ST7L: variants seen among roughly 807,000 people sequenced by gnomAD.
ST7L encodes the protein suppression of tumorigenicity 7 like.
ST7L carries 57 observed loss-of-function variants against 72.5 expected under a neutral mutation model. The ratio of observed to expected loss-of-function variants is 0.79; its 90% confidence interval spans 0.64 to 0.98. The LOEUF (loss-of-function observed/expected upper bound fraction) is 0.98. ST7L is among the 50% of genes least tolerant of loss of function. The pLI is 0.00. For missense variants in ST7L, 576 were observed against 672.2 expected (o/e 0.86, Z 1.58); for synonymous variants, 221 against 240.9 (o/e 0.92, Z 0.77).
chr1:112,605,721 C>A (rs1239078222), intron 3 of ST7L, among the ~76,000 whole-genome samples: 1 of 151,882 alleles, frequency 6.6e-6, no homozygotes, highest in Non-Finnish European at 1.5e-5. Context: ...CTTGAGAATT[C>A]TTTTTGGCTT....
At chr1:112,575,293 A>C (rs1662929109) in intron 11 of ST7L, among the ~76,000 whole-genome samples, 1 of 152,104 alleles carries the variant, frequency 6.6e-6, no homozygotes, top group Non-Finnish European at 1.5e-5. Context: ...ATGTTTTAAG[A>C]CTCCCAGTGG....
intron 14 of ST7L, among the ~76,000 whole-genome samples, chr1:112,531,980 GTTTTTGT>G (rs146946267): frequency 0.2 from 29,862 of 151,864 alleles, 3,273 homozygotes; most frequent in Non-Finnish European, 0.26. Context: ...TTCTACTGCA[GTTTTTGT>G]TTTTTGTTTT....
At chr1:112,607,179 T>C (rs1024680657) in intron 3 of ST7L, 4 of 151,892 alleles carry the variant, frequency 2.6e-5, no homozygotes, top group East Asian at 1.9e-4. Flanking sequence ...TTTTACCTAG[T>C]AAGGAGAGAG....
intron 11 of ST7L, among the ~76,000 whole-genome samples, chr1:112,563,247 G>T (rs2101677361): frequency 1.3e-5 from 2 of 152,212 alleles, no homozygotes; most frequent in South Asian, 2.1e-4. Context: ...AATGGCAGAG[G>T]TAAGGGTTAA....
rs528427572 is a variant in ST7L, at chr1:112,540,284, T to A, written c.1629+1667A>T. ...CCCATTGCTTGCCTGTGATCTCACA[T>A]ACACAGTTGCACATTTTCTTTCCAG... is the stretch of plus-strand genomic sequence containing the variant. On this transcript the variant is annotated intron_variant, in intron 14 of 14. Transcript: ENST00000358039. 9.1e-6 allele frequency: 9 copies of A among 985,452 alleles called. No homozygotes were observed. In the African/African-American group the frequency reaches 1.4e-4, roughly 15 times the overall value. The allele number at this position is 985,452 out of a possible 1,614,324, so 61.0% of individuals were successfully genotyped here.
Position 112,525,650 on chromosome 1 carries a change from CTATGAG to C in ST7L, c.*357_*362del, listed in dbSNP as rs199905790. 2,694 of 170,296 alleles carry C rather than the reference CTATGAG, an allele frequency of 0.016. 224 individuals are homozygous for C. Among genetic ancestry groups the C allele is most frequent in the Admixed American group, 0.14 (2,440 of 17,208 alleles). The allele number at this position is 170,296 out of a possible 1,614,324, so 10.5% of individuals were successfully genotyped here. On this transcript the variant is annotated 3_prime_UTR_variant, in exon 15 of 15. Coordinates refer to ENST00000358039, the MANE Select transcript of ST7L (RefSeq NM_017744.5). Reference sequence around the variant, plus strand: ...AAATTTTCCTTTGCTCACTTCCATTCTATGAGTATATCGATGGAGCAGCTGGACATT... The same window carrying C: ...AAATTTTCCTTTGCTCACTTCCATTCTATATCGATGGAGCAGCTGGACATT...
Position 112,553,624 on chromosome 1 carries a change from A to C in ST7L, c.1396+2244T>G, listed in dbSNP as rs115098906. 4.1e-3 allele frequency among the ~76,000 whole-genome samples: 620 copies of C among 152,318 alleles called. 3 individuals carry two copies. Among genetic ancestry groups the C allele is most frequent in the African/African-American group, 0.014 (598 of 41,580 alleles). On this transcript the variant is annotated intron_variant, in intron 12 of 14. Coordinates refer to ENST00000358039, the MANE Select transcript of ST7L (RefSeq NM_017744.5). Reference sequence around the variant, plus strand: ...ATGACCATAATTTCTTACTAATGAGATATAGGTATGAGCCTATTAGACACT... The same window carrying C: ...ATGACCATAATTTCTTACTAATGAGCTATAGGTATGAGCCTATTAGACACT...
In ST7L at chr1:112,541,968, C is replaced by A. The variant is rs769055159; in HGVS notation, c.1612G>T (p.Gly538Cys). 5 of 1,613,462 alleles carry A rather than the reference C, an allele frequency of 3.1e-6. No homozygotes were observed. The Middle Eastern group carries it at 5.0e-4, about 160-fold the overall frequency. ...ATACTTACAGCTTTAGCAAAAATACCCATGATTTCAGGAAACTGGTGAGTG... is the reference window on the plus strand; with the variant it reads ...ATACTTACAGCTTTAGCAAAAATACACATGATTTCAGGAAACTGGTGAGTG... ...ILTHQFPEIM[G>C]IFAKAVLGLW... The change falls in exon 14 of 15, where the codon GGT becomes TGT. Residue 538 changes from glycine (G) to cysteine (C), a missense_variant. Physicochemically the swap from Gly to Cys is radical, Grantham distance 159. Transcript: ENST00000358039.
At chr1:112,596,396 G>C (rs1025911370) in intron 5 of ST7L, among the ~76,000 whole-genome samples, 9 of 152,158 alleles carry the variant, frequency 5.9e-5, no homozygotes. Context: ...TCTTGAGTTT[G>C]AAACATGGTT....
chr1:112,576,201 T>C (rs1477484655), intron 11 of ST7L, among the ~76,000 whole-genome samples: 4 of 152,002 alleles, frequency 2.6e-5, no homozygotes, highest in Admixed American at 2.0e-4. Flanking sequence ...AGCAATCTTC[T>C]CCCCTTGGTC....
intron 11 of ST7L, 126 bp from the exon 12 acceptor site, chr1:112,556,144 A>G (rs1659085397): frequency 2.8e-6 from 2 of 711,638 alleles, no homozygotes; most frequent in Admixed American, 3.8e-5. Flanking sequence ...TTTTTAAAAA[A>G]CTAACTGAAA....
rs1222760875 is a variant in ST7L at position 112,618,938 on chromosome 1, G to A, written c.176C>T (p.Pro59Leu). ...TGCCAAATTCTCACACAGCCTCAAA[G>A]GGATCCTCAGGGCGTAAAGCAGCCC... ...GLGLLYALRI[P>L]LRLCENLAAV... The change falls in exon 1 of 15, where the codon CCT becomes CTT. Residue 59 changes from proline (P) to leucine (L), a missense_variant. Around this residue, in one of 3 missense-constraint regions of ST7L, gnomAD observed 511 missense variants for 600.7 expected, o/e 0.85. Coordinates refer to ENST00000358039, the MANE Select transcript of ST7L (RefSeq NM_017744.5). 6.3e-7 allele frequency: 1 copy of A among 1,578,826 alleles called. No homozygotes were observed. The highest frequency in any genetic ancestry group is 2.4e-5 in the East Asian group (1 of 42,324).
In ST7L at chr1:112,617,725, A is replaced by T. The variant is rs888633274; in HGVS notation, c.206-830T>A. On this transcript the variant is annotated intron_variant, in intron 1 of 14. Transcript: ENST00000358039. ...GTCTGTCTTTCTCTCTCTCACACAC[A>T]CACACACACACACACACACACACAC... Among the ~76,000 whole-genome samples the T allele has an allele frequency of 3.2e-3, 457 of 143,638 alleles. 3 individuals are homozygous for T. Among genetic ancestry groups the T allele is most frequent in the East Asian group, 0.014 (70 of 5,120 alleles). 94.2% of individuals were successfully genotyped at this position (143,638 alleles called of 152,430 possible).
intron 14 of ST7L, chr1:112,541,644 T>C (rs957977198): frequency 1.9e-5 from 7 of 377,048 alleles, no homozygotes; most frequent in African/African-American, 1.3e-4. Context: ...AAATAGGGTA[T>C]TTTTAAAAAT....
intron 6 of ST7L, among the ~76,000 whole-genome samples, chr1:112,585,656 C>T (rs917404709): frequency 2.6e-5 from 4 of 151,392 alleles, no homozygotes; most frequent in African/African-American, 7.3e-5. Context: ...TGGCATGAAC[C>T]TGGGAGACGG....
rs1057097428 is a variant in ST7L, at chr1:112,578,341, G to A, written c.1142+4C>T. 1.9e-6 allele frequency: 3 copies of A among 1,613,164 alleles called. No individual in the cohort carries two copies. In the African/African-American group the frequency reaches 4.0e-5, roughly 22 times the overall value. On this transcript the variant is annotated splice_donor_region_variant and intron_variant, in intron 10 of 14. Coordinates refer to ENST00000358039, the MANE Select transcript of ST7L (RefSeq NM_017744.5). ...CAAATCATTGTAGTTTTTATAACAC[G>A]TACTTTTCTGAAACAGTCCTTGTCT...
chr1:112,541,856 C>A, intron 14 of ST7L, 95 bp downstream of exon 14: 1 of 1,504,564 alleles, frequency 6.6e-7, no homozygotes, highest in South Asian at 1.4e-5. Flanking sequence ...CAACAAATAT[C>A]TTCCATTGTT....
intron 3 of ST7L, among the ~76,000 whole-genome samples, chr1:112,603,457 G>C (rs947099626): frequency 2.0e-5 from 3 of 152,108 alleles, no homozygotes; most frequent in Non-Finnish European, 2.9e-5. Flanking sequence ...TCAAAAAAAG[G>C]TATCCACAAT....
Position 112,610,952 on chromosome 1 carries a change from C to T in ST7L, c.340G>A (p.Val114Ile). The T allele has an allele frequency of 1.9e-6, 3 of 1,614,200 alleles. No individual in the cohort carries two copies. The highest frequency in any genetic ancestry group is 2.5e-6 in the Non-Finnish European group (3 of 1,180,032). The stretch of plus-strand genomic sequence containing the variant: ...AGTGGTTGCAAATGGCTTACAGATA[C>T]TTGCTCAATAAAAGATGTGCCATGC... ...HKHGTSFIEQ[V>I]SVSHLQPLMG... Residue 114 changes from valine to isoleucine, a missense_variant, in exon 3 of 15, where the codon GTA becomes ATA. Coordinates refer to ENST00000358039, the MANE Select transcript of ST7L (RefSeq NM_017744.5).
Sources: allele counts gnomAD v4.1 joint callset (sites outside exome capture counted in the v4.1 genomes callset), GRCh38; gene constraint gnomAD v4.1.1; regional missense constraint gnomAD v4.1.1; transcripts MANE v1.5; gene names NCBI Gene and HGNC (gene_info 2026-07-23, HGNC 2026-07-21).